The following GPD1L variants were observed in gnomAD, a reference collection of about 807,000 sequenced individuals.
GPD1L encodes glycerol-3-phosphate dehydrogenase 1-like protein.
In GPD1L, 17 loss-of-function variants were observed where a neutral mutation model predicts 32.9. The ratio of observed to expected loss-of-function variants is 0.52; its 90% CI spans 0.35 to 0.78. The LOEUF is 0.78. Ranked by LOEUF, GPD1L falls within the 30% of genes least tolerant of loss-of-function variation. The pLI is 0.01. For synonymous variants in GPD1L, 187 were observed against 165.9 expected (o/e 1.13, Z -0.98); for missense variants, 361 against 447.8 (o/e 0.81, Z 1.75).
At chr3:32,161,606 T>G (rs780705023) in intron 7 of GPD1L, among the ~76,000 whole-genome samples, 1 of 152,174 alleles carries the variant, frequency 6.6e-6, no homozygotes, top group Non-Finnish European at 1.5e-5. Flanking sequence ...TTGATAGGAT[T>G]CTCTGGATGG....
chr3:32,132,241 G>A (rs1014238277), intron 2 of GPD1L, among the ~76,000 whole-genome samples: 1 of 152,120 alleles, frequency 6.6e-6, no homozygotes, highest in African/African-American at 2.4e-5. Context: ...TGAACTCTTT[G>A]AGTATAGTTT....
intron 7 of GPD1L, among the ~76,000 whole-genome samples, chr3:32,163,222 G>A (rs1410139563): frequency 1.5e-5 from 2 of 134,698 alleles, no homozygotes; most frequent in Admixed American, 1.6e-4. Flanking sequence ...AGGCTGGAGT[G>A]CAGTGGCACG....
chr3:32,124,928 A>G (rs571854282), intron 1 of GPD1L, among the ~76,000 whole-genome samples: 10 of 152,280 alleles, frequency 6.6e-5, no homozygotes, highest in Admixed American at 3.3e-4. Context: ...GTCTCAAACA[A>G]ACAAACAGAG....
At chr3:32,155,727 G>A (rs1700979368) in intron 5 of GPD1L, among the ~76,000 whole-genome samples, 1 of 152,202 alleles carries the variant, frequency 6.6e-6, no homozygotes, top group Admixed American at 6.5e-5. Context: ...ACTGGTTGCA[G>A]CCCCAGTGCA....
intron 2 of GPD1L, among the ~76,000 whole-genome samples, chr3:32,134,226 CTGA>C (rs1387268151): frequency 6.6e-6 from 1 of 152,190 alleles, no homozygotes; most frequent in Non-Finnish European, 1.5e-5. Flanking sequence ...ATCTCATTAG[CTGA>C]TAAGAACTTG....
At chr3:32,109,526 G>A (rs1159937012) in intron 1 of GPD1L, among the ~76,000 whole-genome samples, 4 of 152,232 alleles carry the variant, frequency 2.6e-5, no homozygotes, top group Non-Finnish European at 5.9e-5. Context: ...TGTGCTGATG[G>A]TTTGGGCTGG....
chr3:32,145,308 C>G (rs1161385153), intron 4 of GPD1L, among the ~76,000 whole-genome samples: 11 of 151,446 alleles, frequency 7.3e-5, no homozygotes, highest in Admixed American at 6.6e-4. Context: ...AACACAGCAA[C>G]TCTGTCTCAT....
At chr3:32,113,118 A>T (rs1180437148) in intron 1 of GPD1L, among the ~76,000 whole-genome samples, 1 of 151,870 alleles carries the variant, frequency 6.6e-6, no homozygotes, top group Non-Finnish European at 1.5e-5. Context: ...GCAAGGCCTT[A>T]AAAATCATCT....
rs148951806 is a variant in GPD1L, at chr3:32,132,909, C to T, written c.225+4656C>T. On this transcript the variant is annotated intron_variant, in intron 2 of 7. Coordinates refer to ENST00000282541, the MANE Select transcript of GPD1L (RefSeq NM_015141.4). ...TTACATAAGAATCATCAGATAAGGT[C>T]CTCTGTCTGAGGGTCATGTTTCTGC... is the stretch of plus-strand genomic sequence containing the variant. 2.6e-4 allele frequency among the ~76,000 whole-genome samples: 39 copies of T among 152,294 alleles called. 1 individual carries two copies. Among genetic ancestry groups the T allele is most frequent in the African/African-American group, 7.9e-4 (33 of 41,548 alleles).
Position 32,106,667 on chromosome 3 carries a change from GC to G in GPD1L, c.-43del. Reference sequence around the variant, plus strand: ...AAGGCTGAACAGGCGGAGGTGGGCAGCCGGCCAGGGAAGCACGGTCCAGGCG... The same window carrying G: ...AAGGCTGAACAGGCGGAGGTGGGCAGCGGCCAGGGAAGCACGGTCCAGGCG... On this transcript the variant is annotated 5_prime_UTR_variant, in exon 1 of 8. Coordinates refer to ENST00000282541, the MANE Select transcript of GPD1L (RefSeq NM_015141.4). The surrounding 1 kb of genome is among the most constrained non-coding windows in gnomAD (Gnocchi z 4.0). 6.7e-7 allele frequency: 1 copy of G among 1,483,978 alleles called. No homozygotes were observed. Among genetic ancestry groups the G allele is most frequent in the Non-Finnish European group, 9.0e-7 (1 of 1,112,744 alleles). 91.9% of individuals were successfully genotyped at this position (1,483,978 alleles called of 1,614,324 possible).
At chr3:32,148,023 T>A (rs1700858161) in intron 5 of GPD1L, among the ~76,000 whole-genome samples, 1 of 152,220 alleles carries the variant, frequency 6.6e-6, no homozygotes, top group Admixed American at 6.5e-5. Context: ...GCAGGCCCAG[T>A]TATACATGTA....
intron 3 of GPD1L, among the ~76,000 whole-genome samples, chr3:32,139,309 A>G (rs1700706824): frequency 6.6e-6 from 1 of 152,182 alleles, no homozygotes; most frequent in African/African-American, 2.4e-5. Flanking sequence ...CAGGGCTTTC[A>G]TTTCAGTTTA....
intron 1 of GPD1L, among the ~76,000 whole-genome samples, chr3:32,107,569 G>A (rs1700182473): frequency 6.6e-6 from 1 of 152,124 alleles, no homozygotes; most frequent in African/African-American, 2.4e-5. Flanking sequence ...TTTTTTCATT[G>A]CTGTACACTC....
intron 1 of GPD1L, among the ~76,000 whole-genome samples, chr3:32,118,600 C>T (rs1256568783): frequency 6.6e-6 from 1 of 152,092 alleles, no homozygotes; most frequent in Admixed American, 6.6e-5. Context: ...ACAAAATACA[C>T]ATAACATAAA....
rs76925014 is a variant in GPD1L at position 32,147,008 on chromosome 3, G to A, written c.618+274G>A. ...CAGCATTGATATTTGGAAAGCATGG[G>A]AGTTCCTTGATGACAGGGTTTCACC... On this transcript the variant is annotated intron_variant, in intron 5 of 7. Coordinates refer to ENST00000282541, the MANE Select transcript of GPD1L (RefSeq NM_015141.4). Among the ~76,000 whole-genome samples the A allele has an allele frequency of 0.11, 17,323 of 152,202 alleles. 1,100 individuals are homozygous for A. Among genetic ancestry groups the A allele is most frequent in the South Asian group, 0.14 (674 of 4,810 alleles).
intron 1 of GPD1L, among the ~76,000 whole-genome samples, chr3:32,108,647 T>C (rs1226328813): frequency 2.0e-5 from 3 of 152,244 alleles, no homozygotes; most frequent in Admixed American, 6.5e-5. Flanking sequence ...ACTTCTGTCC[T>C]TTCTGGAGGA....
At position 32,159,067 on chromosome 3, in the gene GPD1L, G is replaced by T; in HGVS notation, c.810G>T (p.Gly270=). 6.2e-7 allele frequency: 1 copy of T among 1,613,782 alleles called. No individual in the cohort carries two copies. Among genetic ancestry groups the T allele is most frequent in the Non-Finnish European group, 8.5e-7 (1 of 1,180,014 alleles). The part of the protein sequence containing the change: ...VADLITTCYG[G]RNRRVAEAFA... ...ACCTGATCACCACCTGTTACGGAGGGCGGAACCGCAGGGTGGCCGAGGCCT... is the reference window on the plus strand; with the variant it reads ...ACCTGATCACCACCTGTTACGGAGGTCGGAACCGCAGGGTGGCCGAGGCCT... Residue 270 remains glycine, a synonymous_variant, in exon 6 of 8, where the codon GGG becomes GGT. Coordinates refer to ENST00000282541, the MANE Select transcript of GPD1L (RefSeq NM_015141.4).
rs767434059 is a variant in GPD1L, at chr3:32,140,359, C to T, written c.498C>T (p.Thr166=). 1.2e-6 allele frequency: 2 copies of T among 1,614,128 alleles called. No homozygotes were observed. Among genetic ancestry groups the T allele is most frequent in the South Asian group, 2.2e-5 (2 of 91,082 alleles). Residue 166 remains threonine (T), a synonymous_variant, in exon 4 of 8, where the codon ACC becomes ACT. Transcript: ENST00000282541. ...NEVAAEKFCE[T]TIGSKVMENG... is the part of the protein sequence containing the mutation. ...TGGCTGCAGAGAAGTTCTGTGAGAC[C>T]ACCATCGGTAAGCACTGCCTGGGAG...
chr3:32,148,835 G>A (rs1284565360), intron 5 of GPD1L, among the ~76,000 whole-genome samples: 1 of 152,138 alleles, frequency 6.6e-6, no homozygotes, highest in African/African-American at 2.4e-5. Context: ...ACAGTGATGG[G>A]TTTTTCCCCC....
Sources: gnomAD v4.1 joint callset for allele counts (sites outside exome capture counted in the v4.1 genomes callset) on GRCh38, gnomAD v4.1.1 for gene constraint, Gnocchi (gnomAD v3.1) non-coding constraint, MANE v1.5 for transcripts, NCBI Gene and HGNC (gene_info 2026-07-23, HGNC 2026-07-21) for gene names.